The following L3MBTL4 variants were observed in gnomAD, a reference collection of about 807,000 sequenced individuals.
L3MBTL4 encodes the protein lethal(3)malignant brain tumor-like protein 4.
In L3MBTL4, 70 loss-of-function variants were observed where a neutral mutation model predicts 84.5. The observed-to-expected ratio is 0.83, with a 90% CI of 0.68 to 1.01. The LOEUF (loss-of-function observed/expected upper bound fraction) is 1.01, where lower values mean the gene tolerates loss of function less well. L3MBTL4 is among the 50% of genes least tolerant of loss of function. The pLI is 0.00. For missense variants in L3MBTL4, 715 were observed against 754.8 expected (o/e 0.95, Z 0.62); for synonymous variants, 274 against 259.8 (o/e 1.05, Z -0.52).
chr18:6,350,220 G>A (rs1418972766), intron 1 of L3MBTL4, among the ~76,000 whole-genome samples: 3 of 152,098 alleles, frequency 2.0e-5, no homozygotes, highest in Non-Finnish European at 2.9e-5. Context: ...TGTCAAAAAC[G>A]CAAGCAACCA....
At chr18:6,116,312 C>G (rs1321705827) in intron 14 of L3MBTL4, among the ~76,000 whole-genome samples, 1 of 151,602 alleles carries the variant, frequency 6.6e-6, no homozygotes, top group African/African-American at 2.4e-5. Context: ...ACAGGCCATC[C>G]CTCTGTCCCT....
intron 16 of L3MBTL4, among the ~76,000 whole-genome samples, chr18:5,976,728 G>A (rs1257622821): frequency 6.6e-6 from 1 of 152,190 alleles, no homozygotes; most frequent in African/African-American, 2.4e-5. Flanking sequence ...TACCTGTTGA[G>A]TGGATGAATG....
chr18:6,119,246 G>A (rs1289169237), intron 14 of L3MBTL4, among the ~76,000 whole-genome samples: 5 of 151,938 alleles, frequency 3.3e-5, no homozygotes, highest in Admixed American at 6.5e-5. Flanking sequence ...AAAATCCTTA[G>A]CACTTATCTC....
chr18:6,097,891 A>G (rs913272508), intron 14 of L3MBTL4, among the ~76,000 whole-genome samples: 2 of 152,130 alleles, frequency 1.3e-5, no homozygotes, highest in South Asian at 4.2e-4. Context: ...TAAACCTAGG[A>G]TGTGAGGCTC....
At chr18:6,336,130 A>T (rs1034129178) in intron 1 of L3MBTL4, among the ~76,000 whole-genome samples, 1 of 152,210 alleles carries the variant, frequency 6.6e-6, no homozygotes, top group African/African-American at 2.4e-5. Flanking sequence ...TAATACTTTA[A>T]GGCAGACTAA....
intron 17 of L3MBTL4, among the ~76,000 whole-genome samples, chr18:5,964,566 C>A (rs917743774): frequency 6.6e-6 from 1 of 152,048 alleles, no homozygotes. Context: ...GAGCAATACC[C>A]CGAATTTTTC....
chr18:6,294,616 C>A (rs1374498498), intron 4 of L3MBTL4, among the ~76,000 whole-genome samples: 1 of 152,166 alleles, frequency 6.6e-6, no homozygotes, highest in African/African-American at 2.4e-5. Flanking sequence ...ACCAGGCCCT[C>A]CCTACGTAAG....
intron 6 of L3MBTL4, 140 bp downstream of exon 6, chr18:6,244,344 T>C: frequency 2.0e-6 from 1 of 508,928 alleles, no homozygotes; most frequent in South Asian, 4.2e-5. Context: ...AGAAACATAG[T>C]TTCACCCATC....
At chr18:6,250,314 C>T (rs2047867840) in intron 5 of L3MBTL4, among the ~76,000 whole-genome samples, 1 of 152,166 alleles carries the variant, frequency 6.6e-6, no homozygotes, top group East Asian at 1.9e-4. Context: ...AAAACACCGT[C>T]ACCATGCCTA....
At chr18:6,040,907 A>G (rs1032826131) in intron 16 of L3MBTL4, among the ~76,000 whole-genome samples, 1 of 150,186 alleles carries the variant, frequency 6.7e-6, no homozygotes, top group African/African-American at 2.5e-5. Context: ...TACAAATCAC[A>G]TAATTTCTAT....
intron 1 of L3MBTL4, among the ~76,000 whole-genome samples, chr18:6,363,780 C>T (rs1160690257): frequency 6.6e-6 from 1 of 152,190 alleles, no homozygotes; most frequent in African/African-American, 2.4e-5. Flanking sequence ...CCCATGCCCA[C>T]TTAACCACTA....
chr18:6,160,138 T>C (rs1259678204), intron 13 of L3MBTL4, among the ~76,000 whole-genome samples: 3 of 152,092 alleles, frequency 2.0e-5, no homozygotes, highest in Non-Finnish European at 4.4e-5. Flanking sequence ...TTTCCGGACA[T>C]GAGCTAAGCA....
At chr18:6,132,269 C>G (rs568060182) in intron 14 of L3MBTL4, among the ~76,000 whole-genome samples, 2 of 152,244 alleles carry the variant, frequency 1.3e-5, no homozygotes, top group East Asian at 3.9e-4. Context: ...AACGCAAGGT[C>G]GAGAAACATC....
intron 16 of L3MBTL4, among the ~76,000 whole-genome samples, chr18:6,078,514 A>G (rs565956029): frequency 1.8e-4 from 28 of 152,178 alleles, no homozygotes; most frequent in Non-Finnish European, 3.4e-4. Context: ...CAGGCTTAAG[A>G]AAAATGAAAT....
rs1010886651 is a variant in L3MBTL4 at position 6,414,870 on chromosome 18, T to A, written c.-160A>T. 2 of 149,310 alleles carry A rather than the reference T, an allele frequency of 1.3e-5. No homozygotes were observed. 9.2% of individuals were successfully genotyped at this position (149,310 alleles called of 1,614,324 possible). A position where few individuals can be genotyped will look rare whatever the true frequency, so the allele number is the denominator to read the frequency against. ...GCGGGGGGCGAGTCGGAGCGCGAGG[T>A]TCCGCCAGCCCAGGCTGCGGCGCCG... is the stretch of plus-strand genomic sequence containing the variant. On this transcript the variant is annotated 5_prime_UTR_variant, in exon 1 of 19. Coordinates refer to ENST00000317931, the MANE Select transcript of L3MBTL4 (RefSeq NM_001330559.2). This position sits in a 1 kb window ranked among gnomAD's most constrained non-coding sequence, Gnocchi z 5.4.
intron 16 of L3MBTL4, among the ~76,000 whole-genome samples, chr18:5,981,848 A>T (rs2053236080): frequency 6.6e-6 from 1 of 152,144 alleles, no homozygotes; most frequent in Non-Finnish European, 1.5e-5. Context: ...CAAGTCACAC[A>T]AAAGCTATTC....
Position 6,209,282 on chromosome 18 carries a change from C to T in L3MBTL4, c.981+3867G>A, listed in dbSNP as rs546056449. Among the ~76,000 whole-genome samples the T allele has an allele frequency of 2.2e-3, 331 of 152,236 alleles. 1 individual carries two copies. The highest frequency in any genetic ancestry group is 7.7e-3 in the African/African-American group (320 of 41,554). On this transcript the variant is annotated intron_variant, in intron 12 of 18. Transcript: ENST00000317931. ...ATTACTACTTCTATTACTTCTGATA[C>T]TTGCACTGCTACATCCACTACTGTT...
chr18:6,111,237 T>G (rs758988336), intron 14 of L3MBTL4, among the ~76,000 whole-genome samples: 1 of 152,140 alleles, frequency 6.6e-6, no homozygotes, highest in African/African-American at 2.4e-5. Flanking sequence ...TTGGGGCTGA[T>G]GAGAGTGTTC....
chr18:6,216,509 T>C (rs1349710386), intron 10 of L3MBTL4, among the ~76,000 whole-genome samples: 1 of 152,114 alleles, frequency 6.6e-6, no homozygotes, highest in Admixed American at 6.5e-5. Context: ...TCTTCTTTTT[T>C]CTTTTCTAAT....
Sources: gnomAD v4.1 joint callset for allele counts (sites outside exome capture counted in the v4.1 genomes callset) on GRCh38, gnomAD v4.1.1 for gene constraint, Gnocchi (gnomAD v3.1) non-coding constraint, MANE v1.5 for transcripts, NCBI Gene and HGNC (gene_info 2026-07-23, HGNC 2026-07-21) for gene names.